Variants in KIF16B observed in about 807,000 individuals in gnomAD.
KIF16B encodes the protein kinesin-like protein KIF16B.
A neutral mutation model predicts 156.3 loss-of-function variants in KIF16B; 98 were observed. The ratio of observed to expected loss-of-function variants is 0.63; its 90% CI spans 0.53 to 0.74. KIF16B has a LOEUF of 0.74. Ranked by LOEUF, KIF16B falls within the 30% of genes least tolerant of loss-of-function variation. The pLI, the probability that KIF16B is intolerant of heterozygous loss-of-function variation, is 0.00. For synonymous variants in KIF16B, 564 were observed against 583.7 expected (o/e 0.97, Z 0.49); for missense variants, 1,421 against 1,606.5 (o/e 0.88, Z 1.97).
In KIF16B at chr20:16,396,107, G is replaced by A. The variant is rs376948869; in HGVS notation, c.1784+8706C>T. Among the ~76,000 whole-genome samples, 22 of 152,226 alleles carry A rather than the reference G, an allele frequency of 1.4e-4. No homozygotes were observed. In the East Asian group the frequency reaches 3.5e-3, roughly 24 times the overall value. On this transcript the variant is annotated intron_variant, in intron 17 of 25. Coordinates refer to ENST00000354981, the MANE Select transcript of KIF16B (RefSeq NM_024704.5). ...GACAACAAAATGCCTACCACTAGAC[G>A]TTAAATAAGGTACGGCAGGGGTACC... is the stretch of plus-strand genomic sequence containing the variant.
At chr20:16,412,837 T>C (rs2065992572) in intron 15 of KIF16B, among the ~76,000 whole-genome samples, 1 of 152,110 alleles carries the variant, frequency 6.6e-6, no homozygotes, top group Non-Finnish European at 1.5e-5. Context: ...TTAAAACTTA[T>C]ATGTATACTT....
In KIF16B at chr20:16,536,870, C is replaced by T. The variant is rs560756153; in HGVS notation, c.48-8430G>A. Among the ~76,000 whole-genome samples the T allele has an allele frequency of 2.6e-5, 4 of 152,210 alleles. No individual in the cohort carries two copies. In the East Asian group the frequency reaches 7.7e-4, roughly 29 times the overall value. On this transcript the variant is annotated intron_variant, in intron 1 of 25. Transcript: ENST00000354981. ...CTTCTGCTCTTGGCCTTCTCTTCAC[C>T]CCTAGGGGCTTTAACTGTCATAGGT...
At position 16,379,577 on chromosome 20, in the gene KIF16B, C is replaced by T; in HGVS notation, c.2425G>A (p.Ala809Thr). 1 of 1,614,172 alleles carries T rather than the reference C, an allele frequency of 6.2e-7. No individual in the cohort carries two copies. Among genetic ancestry groups the T allele is most frequent in the Non-Finnish European group, 8.5e-7 (1 of 1,180,028 alleles). The change falls in exon 19 of 26, where the codon GCC becomes ACC. Residue 809 changes from alanine to threonine, a missense_variant. By Grantham distance (58) the Ala-to-Thr change is moderately conservative. Coordinates refer to ENST00000354981, the MANE Select transcript of KIF16B (RefSeq NM_024704.5). Reference sequence around the variant, plus strand: ...TCCTCGCCATCTTCATCCCCTCCGGCACGAGCCTCCTTCACCCGCAGGAGG... The same window carrying T: ...TCCTCGCCATCTTCATCCCCTCCGGTACGAGCCTCCTTCACCCGCAGGAGG... Reference protein sequence around the residue: ...ESLLRVKEARAGGDEDGEELE... With the variant: ...ESLLRVKEARTGGDEDGEELE...
chr20:16,344,466 C>T (rs1340348606), intron 23 of KIF16B, among the ~76,000 whole-genome samples: 8 of 152,180 alleles, frequency 5.3e-5, no homozygotes, highest in African/African-American at 1.2e-4. Context: ...GTGACCTCTT[C>T]GTGGTCTCCT....
intron 17 of KIF16B, among the ~76,000 whole-genome samples, chr20:16,386,541 T>A (rs1489925836): frequency 6.6e-6 from 1 of 151,498 alleles, no homozygotes; most frequent in South Asian, 2.1e-4. Flanking sequence ...GTAGGTTTAG[T>A]TGTAAAGGGG....
intron 15 of KIF16B, among the ~76,000 whole-genome samples, chr20:16,414,684 G>A (rs1013578405): frequency 7.2e-5 from 11 of 152,054 alleles, no homozygotes; most frequent in African/African-American, 2.7e-4. Context: ...GTAAAATTTC[G>A]AGATGCTCCA....
intron 15 of KIF16B, among the ~76,000 whole-genome samples, chr20:16,409,836 G>A (rs2065875026): frequency 1.3e-5 from 2 of 150,678 alleles, no homozygotes; most frequent in Admixed American, 6.6e-5. Flanking sequence ...AAAATCATGA[G>A]TTTGGTTTTG....
intron 22 of KIF16B, among the ~76,000 whole-genome samples, chr20:16,360,026 G>A (rs999601204): frequency 2.0e-5 from 3 of 152,146 alleles, no homozygotes; most frequent in African/African-American, 7.2e-5. Context: ...TGAGTGTACA[G>A]AAATGAACAG....
At chr20:16,477,869 G>A (rs2067863749) in intron 12 of KIF16B, among the ~76,000 whole-genome samples, 1 of 152,162 alleles carries the variant, frequency 6.6e-6, no homozygotes, top group African/African-American at 2.4e-5. Context: ...AGGAAGCAGA[G>A]CAGCAGAATG....
chr20:16,346,078 G>A (rs983104112), intron 23 of KIF16B, among the ~76,000 whole-genome samples: 7 of 152,178 alleles, frequency 4.6e-5, no homozygotes, highest in African/African-American at 1.4e-4. Flanking sequence ...GACCATGTCC[G>A]CAACTGTGTA....
At chr20:16,426,033 AACTC>A (rs1274010172) in intron 15 of KIF16B, among the ~76,000 whole-genome samples, 1 of 152,046 alleles carries the variant, frequency 6.6e-6, no homozygotes, top group African/African-American at 2.4e-5. Context: ...CTCTCACAAG[AACTC>A]ACTCACTATC....
At chr20:16,332,641 C>T (rs2063967323) in intron 24 of KIF16B, among the ~76,000 whole-genome samples, 4 of 152,120 alleles carry the variant, frequency 2.6e-5, no homozygotes, top group Admixed American at 2.6e-4. Context: ...CTGAGCCTGT[C>T]TTCAGGAAAA....
intron 25 of KIF16B, among the ~76,000 whole-genome samples, chr20:16,310,943 C>T (rs2122698195): frequency 1.3e-5 from 2 of 152,330 alleles, no homozygotes; most frequent in Middle Eastern, 3.4e-3. Context: ...AACAACCTCC[C>T]AGTCTTCAAT....
chr20:16,446,498 C>T (rs2066935218), intron 12 of KIF16B, among the ~76,000 whole-genome samples: 1 of 152,264 alleles, frequency 6.6e-6, no homozygotes, highest in South Asian at 2.1e-4. Flanking sequence ...CCTACAGTGA[C>T]ATTTTAAGTC....
chr20:16,295,254 G>A (rs904982656), intron 25 of KIF16B, among the ~76,000 whole-genome samples: 1 of 152,194 alleles, frequency 6.6e-6, no homozygotes, highest in African/African-American at 2.4e-5. Context: ...AGCAGGCCAC[G>A]GTGGCTGCTG....
intron 19 of KIF16B, among the ~76,000 whole-genome samples, chr20:16,375,537 T>C (rs190688114): frequency 1.3e-5 from 2 of 152,092 alleles, no homozygotes; most frequent in East Asian, 1.9e-4. Flanking sequence ...CTGGGTTTAT[T>C]GATTAGCAAG....
At chr20:16,568,326 A>G (rs1217982545) in intron 1 of KIF16B, among the ~76,000 whole-genome samples, 1 of 152,202 alleles carries the variant, frequency 6.6e-6, no homozygotes, top group Non-Finnish European at 1.5e-5. Flanking sequence ...TAAAGCTGGC[A>G]CATCACCAGC....
At chr20:16,545,054 G>T (rs2070351268) in intron 1 of KIF16B, among the ~76,000 whole-genome samples, 1 of 152,192 alleles carries the variant, frequency 6.6e-6, no homozygotes, top group South Asian at 2.1e-4. Flanking sequence ...AGACAGAAAT[G>T]AAGCTTGTTT....
intron 1 of KIF16B, among the ~76,000 whole-genome samples, chr20:16,561,034 A>T (rs2071038887): frequency 6.6e-6 from 1 of 152,142 alleles, no homozygotes; most frequent in East Asian, 1.9e-4. Flanking sequence ...TCATGCCTGT[A>T]ATCCCTGCGC....
Sources: gnomAD v4.1 joint callset for allele counts (sites outside exome capture counted in the v4.1 genomes callset) on GRCh38, gnomAD v4.1.1 for gene constraint, MANE v1.5 for transcripts, NCBI Gene and HGNC (gene_info 2026-07-23, HGNC 2026-07-21) for gene names.